Variants in TRPC6 observed in about 807,000 individuals in gnomAD.
TRPC6 encodes transient receptor potential cation channel subfamily C member 6.
A neutral mutation model predicts 90.7 loss-of-function variants in TRPC6; 55 were observed. The observed-to-expected ratio is 0.61, with a 90% CI of 0.49 to 0.76. The LOEUF is 0.76. Among genes scored for constraint, TRPC6 ranks in the 30% least tolerant of loss-of-function variants. The pLI is 0.00. For synonymous variants in TRPC6, 393 were observed against 393.0 expected, an observed-to-expected ratio of 1.00 and a Z score of 0.00; for missense variants, 989 against 1,122.7, an observed-to-expected ratio of 0.88 and a Z score of 1.70.
In TRPC6 at chr11:101,549,028, A is replaced by G. The variant is rs150813706; in HGVS notation, c.170+34306T>C. Among the ~76,000 whole-genome samples the G allele has an allele frequency of 5.3e-5, 8 of 151,256 alleles. No homozygotes were observed. In the East Asian group the frequency reaches 1.4e-3, roughly 26 times the overall value. ...CTTTGTATCCTTCTGTTTTTTTTTG[A>G]TGTTTCATGTTCAAATATCACTTTT... On this transcript the variant is annotated intron_variant, in intron 1 of 12. Coordinates refer to ENST00000344327, the MANE Select transcript of TRPC6 (RefSeq NM_004621.6).
intron 1 of TRPC6, among the ~76,000 whole-genome samples, chr11:101,576,865 T>C (rs1862081437): frequency 6.6e-6 from 1 of 152,194 alleles, no homozygotes; most frequent in African/African-American, 2.4e-5. Context: ...ATGTGGACTT[T>C]TAAGCACATC....
At chr11:101,552,594 A>G (rs1279228574) in intron 1 of TRPC6, among the ~76,000 whole-genome samples, 1 of 152,116 alleles carries the variant, frequency 6.6e-6, no homozygotes, top group African/African-American at 2.4e-5. Flanking sequence ...TTGTTGCCCA[A>G]ATCAAAAAGT....
At chr11:101,470,824 G>C (rs1171223971) in intron 9 of TRPC6, among the ~76,000 whole-genome samples, 1 of 75,506 alleles carries the variant, frequency 1.3e-5, no homozygotes, top group Non-Finnish European at 2.7e-5. Context: ...CCCCCTCCCC[G>C]AGTCATAACA....
chr11:101,453,247 G>T, intron 12 of TRPC6, 141 bp from the exon 13 acceptor site: 1 of 870,870 alleles, frequency 1.1e-6, no homozygotes, highest in Non-Finnish European at 1.8e-6. Flanking sequence ...CTTCCTAATT[G>T]AGCAGGTTTT....
intron 3 of TRPC6, among the ~76,000 whole-genome samples, chr11:101,490,040 G>C (rs926114492): frequency 6.6e-6 from 1 of 152,114 alleles, no homozygotes; most frequent in African/African-American, 2.4e-5. Flanking sequence ...CAAATGTTTG[G>C]AAACCTAAAA....
rs566092376 is a variant in TRPC6 at position 101,488,851 on chromosome 11, T to C, written c.1293+86A>G. The C allele has an allele frequency of 3.8e-5, 57 of 1,499,980 alleles. No individual in the cohort carries two copies. In the East Asian group the frequency reaches 1.2e-3, roughly 30 times the overall value. 92.9% of individuals were successfully genotyped at this position (1,499,980 alleles called of 1,614,324 possible). A position where few individuals can be genotyped will look rare whatever the true frequency, so the allele number is the denominator to read the frequency against. On this transcript the variant is annotated intron_variant, in intron 4 of 12. Transcript: ENST00000344327. Reference sequence around the variant, plus strand: ...TTACTGAAACCCAACTGTGATTCCCTGAAATTTTCACTTTGGAGATAAGAT... The same window carrying C: ...TTACTGAAACCCAACTGTGATTCCCCGAAATTTTCACTTTGGAGATAAGAT...
rs919391011 is a variant in TRPC6 at position 101,583,350 on chromosome 11, C to G, written c.154G>C (p.Gly52Arg). The stretch of plus-strand genomic sequence containing the variant: ...GGCACTCACAAGCAGGGGTAGTAGC[C>G]GTAGCAAGGCAGCGGGGCTTGCGGG... The part of the protein sequence containing the change: ...GCPQAPLPCY[G>R]YYPCFRGSDN... The change falls in exon 1 of 13, where the codon GGC becomes CGC. Residue 52 changes from glycine (G) to arginine (R), a missense_variant. Physicochemically the swap from Gly to Arg is moderately radical, Grantham distance 125 (BLOSUM62 -2). Coordinates refer to ENST00000344327, the MANE Select transcript of TRPC6 (RefSeq NM_004621.6). 1 of 1,592,946 alleles carries G rather than the reference C, an allele frequency of 6.3e-7. No individual in the cohort carries two copies. The highest frequency in any genetic ancestry group is 8.5e-7 in the Non-Finnish European group (1 of 1,170,224).
At chr11:101,510,289 T>C (rs1162727201) in intron 1 of TRPC6, among the ~76,000 whole-genome samples, 3 of 152,142 alleles carry the variant, frequency 2.0e-5, no homozygotes, top group African/African-American at 7.2e-5. Context: ...CTAGATTATA[T>C]TACAAACCTC....
chr11:101,469,281 A>T, intron 10 of TRPC6, 146 bp downstream of exon 10: 1 of 632,506 alleles, frequency 1.6e-6, no homozygotes, highest in Non-Finnish European at 2.8e-6. Context: ...TCTCAATAAC[A>T]GAATTGTTGA....
chr11:101,559,553 C>A (rs1861664938), intron 1 of TRPC6, among the ~76,000 whole-genome samples: 1 of 151,824 alleles, frequency 6.6e-6, no homozygotes, highest in Non-Finnish European at 1.5e-5. Flanking sequence ...AATTTATTGG[C>A]AATTTGAAAG....
At chr11:101,546,050 C>CTTTTTT (rs1166182552) in intron 1 of TRPC6, among the ~76,000 whole-genome samples, 600 of 29,740 alleles carry the variant, frequency 0.02, 187 homozygotes, top group Non-Finnish European at 0.03. Context: ...ATTTATAACT[C>CTTTTTT]TTTTTTTTTT....
At chr11:101,561,748 GA>G (rs1390874756) in intron 1 of TRPC6, among the ~76,000 whole-genome samples, 20 of 151,332 alleles carry the variant, frequency 1.3e-4, no homozygotes, top group African/African-American at 4.8e-4. Flanking sequence ...AAATGGGAAA[GA>G]AAAACAATTA....
chr11:101,577,653 C>T (rs892092874), intron 1 of TRPC6, among the ~76,000 whole-genome samples: 18 of 152,258 alleles, frequency 1.2e-4, no homozygotes, highest in Admixed American at 3.9e-4. Flanking sequence ...AAAACAAGAA[C>T]GCTCGCTGCC....
At chr11:101,471,149 A>T (rs1859283093) in intron 9 of TRPC6, 34 bp downstream of exon 9, 1 of 1,607,682 alleles carries the variant, frequency 6.2e-7, no homozygotes, top group African/African-American at 1.3e-5. Flanking sequence ...CACAAAATTT[A>T]AGAATACAAT....
At chr11:101,491,834 T>TTA in intron 2 of TRPC6, 96 bp from the exon 3 acceptor site, 28 of 815,758 alleles carry the variant, frequency 3.4e-5, no homozygotes, top group Non-Finnish European at 4.3e-5. Flanking sequence ...AAGAGAAACA[T>TTA]TCTTTTTTTT....
rs1860191133 is a variant in TRPC6, at chr11:101,503,873, CAAT to C, written c.945+148_945+150del. 4 of 984,776 alleles carry C rather than the reference CAAT, an allele frequency of 4.1e-6. No homozygotes were observed. In the Admixed American group the frequency reaches 6.0e-5, roughly 15 times the overall value. The allele number at this position is 984,776 out of a possible 1,614,324, so 61.0% of individuals were successfully genotyped here. On this transcript the variant is annotated intron_variant, in intron 2 of 12. Transcript: ENST00000344327. ...ATGGTAGCGATCACAACTTTTGCTA[CAAT>C]GATTATAATAAAGAGCTTGTTGAAT... is the stretch of plus-strand genomic sequence containing the variant.
intron 1 of TRPC6, among the ~76,000 whole-genome samples, chr11:101,509,136 CTTTTTT>C (rs1393768669): frequency 4.2e-5 from 2 of 47,806 alleles, no homozygotes; most frequent in African/African-American, 2.2e-4. Context: ...TTGTCTTTTT[CTTTTTT>C]TTTTGAGACA....
intron 6 of TRPC6, 91 bp downstream of exon 6, chr11:101,476,210 T>G: frequency 2.9e-6 from 3 of 1,051,338 alleles, no homozygotes; most frequent in South Asian, 1.4e-5. Context: ...AACAATTTTA[T>G]GAGAATTGTG....
In TRPC6 at chr11:101,583,405, G is replaced by A. The variant is rs755271013; in HGVS notation, c.99C>T (p.Leu33=). Residue 33 remains leucine (L), a synonymous_variant, in exon 1 of 13, where the codon CTC becomes CTT. Coordinates refer to ENST00000344327, the MANE Select transcript of TRPC6 (RefSeq NM_004621.6). The part of the protein sequence containing the change: ...ARRNESQDYL[L]MDSELGEDGC... Reference sequence around the variant, plus strand: ...CGTCTTCTCCCAGCTCCGAGTCCATGAGCAGATAGTCCTGGCTCTCGTTGC... The same window carrying A: ...CGTCTTCTCCCAGCTCCGAGTCCATAAGCAGATAGTCCTGGCTCTCGTTGC... 31 of 1,585,668 alleles carry A rather than the reference G, an allele frequency of 2.0e-5. No individual in the cohort carries two copies. The South Asian group carries it at 2.1e-4, about 11-fold the overall frequency.
Sources: allele counts gnomAD v4.1 joint callset (sites outside exome capture counted in the v4.1 genomes callset), GRCh38; gene constraint gnomAD v4.1.1; transcripts MANE v1.5; gene names NCBI Gene and HGNC (gene_info 2026-07-23, HGNC 2026-07-21).